Variants in AFF3 observed in about 807,000 individuals in gnomAD.
AFF3 encodes the protein AF4/FMR2 family member 3.
A neutral mutation model predicts 129.7 loss-of-function variants in AFF3; 32 were observed. The ratio of observed to expected loss-of-function variants is 0.25; its 90% CI spans 0.19 to 0.33. AFF3 has a LOEUF of 0.33. AFF3 is among the 10% of genes least tolerant of loss of function. The probability of loss-of-function intolerance (pLI) is 1.00; values close to 1 mark genes in which losing one functional copy is unlikely to be tolerated. For synonymous variants in AFF3, 644 were observed against 635.4 expected, an observed-to-expected ratio of 1.01 and a Z score of -0.20; for missense variants, 1,373 against 1,592.0, an observed-to-expected ratio of 0.86 and a Z score of 2.34.
intron 7 of AFF3, among the ~76,000 whole-genome samples, chr2:99,849,484 T>G (rs1467879382): frequency 6.6e-6 from 1 of 152,054 alleles, no homozygotes; most frequent in Admixed American, 6.5e-5. Context: ...GTCCCTGCGG[T>G]GGGGGCGTCA....
rs74924470 is a variant in AFF3 at position 99,793,979 on chromosome 2, A to G, written c.922-41678T>C. ...TACATACACATCTTCATTAGGGTCA[A>G]TATTTGTTCTAATTTCTCTGATGAT... On this transcript the variant is annotated intron_variant, in intron 8 of 24. Coordinates refer to ENST00000672756, the MANE Select transcript of AFF3 (RefSeq NM_001386135.1). 3.8e-3 allele frequency among the ~76,000 whole-genome samples: 574 copies of G among 152,320 alleles called. 5 individuals are homozygous for G. The highest frequency in any genetic ancestry group is 0.012 in the African/African-American group (496 of 41,576).
At chr2:100,075,592 C>T (rs1573350560) in intron 4 of AFF3, among the ~76,000 whole-genome samples, 1 of 152,050 alleles carries the variant, frequency 6.6e-6, no homozygotes, top group African/African-American at 2.4e-5. Flanking sequence ...AATCCCATTT[C>T]TAGAAACGGC....
chr2:100,073,143 GCTGACATC>G (rs1197190808), intron 4 of AFF3, among the ~76,000 whole-genome samples: 1 of 152,178 alleles, frequency 6.6e-6, no homozygotes, highest in African/African-American at 2.4e-5. Context: ...ATATTCAGAT[GCTGACATC>G]CTAATCTCCA....
chr2:99,884,045 T>C (rs1016140789), intron 7 of AFF3, among the ~76,000 whole-genome samples: 3 of 152,236 alleles, frequency 2.0e-5, no homozygotes, highest in African/African-American at 7.2e-5. Context: ...CTGCCTCATT[T>C]TACCCACTGT....
chr2:99,696,132 A>AT (rs200434691), intron 11 of AFF3, among the ~76,000 whole-genome samples: 4,340 of 148,496 alleles, frequency 0.029, 191 homozygotes, highest in African/African-American at 0.096. Context: ...AAAATTGATT[A>AT]TTTTTTTTTT....
intron 7 of AFF3, among the ~76,000 whole-genome samples, chr2:99,955,316 T>C (rs1251427028): frequency 2.0e-5 from 3 of 152,232 alleles, no homozygotes; most frequent in Non-Finnish European, 4.4e-5. Context: ...TAGAGTATTC[T>C]GTCCTCTAGA....
chr2:99,822,296 C>G (rs1378319143), intron 8 of AFF3, among the ~76,000 whole-genome samples: 2 of 115,160 alleles, frequency 1.7e-5, no homozygotes, highest in African/African-American at 7.3e-5. Context: ...GATGAGTTTT[C>G]CCAGTGATGC....
Position 100,008,834 on chromosome 2 carries a change from G to C in AFF3, c.152C>G (p.Ser51Cys). The change falls in exon 5 of 25, where the codon TCT becomes TGT. Residue 51 changes from serine (S) to cysteine (C), a missense_variant. Physicochemically the swap from Ser to Cys is moderately radical, Grantham distance 112 (BLOSUM62 -1). Around this residue, in one of 9 missense-constraint regions of AFF3, gnomAD observed 255 missense variants for 256.0 expected, o/e 1.00. Coordinates refer to ENST00000672756, the MANE Select transcript of AFF3 (RefSeq NM_001386135.1). Reference protein sequence around the residue: ...QDDGTFNSSYSLFSEPYKTNK... With the variant: ...QDDGTFNSSYCLFSEPYKTNK... ...TACCTTGTAGGGCTCACTGAAGAGA[G>C]AGTAACTAGAATTAAACGTGCCATC... 6.2e-7 allele frequency: 1 copy of C among 1,614,046 alleles called. No homozygotes were observed. Among genetic ancestry groups the C allele is most frequent in the Non-Finnish European group, 8.5e-7 (1 of 1,179,952 alleles).
chr2:99,891,762 T>G (rs1014414955), intron 7 of AFF3, among the ~76,000 whole-genome samples: 1 of 152,060 alleles, frequency 6.6e-6, no homozygotes, highest in African/African-American at 2.4e-5. Flanking sequence ...CCACAGCTCA[T>G]AGTTGGTAGA....
At chr2:99,844,578 C>T (rs1689589405) in intron 7 of AFF3, among the ~76,000 whole-genome samples, 1 of 151,046 alleles carries the variant, frequency 6.6e-6, no homozygotes, top group Non-Finnish European at 1.5e-5. Context: ...GTTGGGATTA[C>T]AGGCATGCAC....
chr2:99,789,007 A>T (rs1409483969), intron 8 of AFF3, among the ~76,000 whole-genome samples: 1 of 152,212 alleles, frequency 6.6e-6, no homozygotes, highest in Non-Finnish European at 1.5e-5. Flanking sequence ...AGGCTATACC[A>T]TCTTAGTTTG....
At chr2:99,606,915 C>CAAAAAAA (rs10680840) in intron 13 of AFF3, among the ~76,000 whole-genome samples, 4 of 62,182 alleles carry the variant, frequency 6.4e-5, no homozygotes, top group African/African-American at 1.3e-4. Flanking sequence ...CTCCGTCTCA[C>CAAAAAAA]AAAAAAAAAA....
chr2:99,579,363 C>A (rs1254962640), intron 17 of AFF3, among the ~76,000 whole-genome samples: 1 of 149,178 alleles, frequency 6.7e-6, no homozygotes, highest in Non-Finnish European at 1.5e-5. Flanking sequence ...CGAGACCATG[C>A]CATTGCACTC....
chr2:99,597,218 C>T (rs1446040687), intron 14 of AFF3, among the ~76,000 whole-genome samples: 4 of 152,172 alleles, frequency 2.6e-5, no homozygotes, highest in African/African-American at 9.7e-5. Context: ...GTGTCTCCCA[C>T]TGTTTGGCAT....
At chr2:100,081,546 AC>A (rs1689052518) in intron 4 of AFF3, among the ~76,000 whole-genome samples, 2 of 151,926 alleles carry the variant, frequency 1.3e-5, no homozygotes, top group Non-Finnish European at 2.9e-5. Flanking sequence ...CCTGACCTGC[AC>A]CCCCTCATCA....
chr2:99,973,781 T>C (rs1373464473), intron 7 of AFF3, among the ~76,000 whole-genome samples: 1 of 152,270 alleles, frequency 6.6e-6, no homozygotes, highest in South Asian at 2.1e-4. Flanking sequence ...TCTGCAGCTA[T>C]TGTTTTAATT....
At chr2:99,867,918 G>A (rs926641999) in intron 7 of AFF3, among the ~76,000 whole-genome samples, 5 of 152,034 alleles carry the variant, frequency 3.3e-5, no homozygotes, top group African/African-American at 7.2e-5. Context: ...GGCTAATCAC[G>A]CCCCTGGGCG....
intron 13 of AFF3, among the ~76,000 whole-genome samples, chr2:99,638,858 G>A (rs779577466): frequency 6.6e-6 from 1 of 152,214 alleles, no homozygotes. Flanking sequence ...CATGTATGTT[G>A]TTGTGCAGCC....
intron 4 of AFF3, among the ~76,000 whole-genome samples, chr2:100,037,530 A>T (rs1204418719): frequency 2.3e-3 from 5 of 2,148 alleles, no homozygotes; most frequent in African/African-American, 7.7e-3. Context: ...TATTATTTAT[A>T]TATAAATATA....
Sources: gnomAD v4.1 joint callset for allele counts (sites outside exome capture counted in the v4.1 genomes callset) on GRCh38, gnomAD v4.1.1 for gene constraint, gnomAD v4.1.1 regional missense constraint, MANE v1.5 for transcripts, NCBI Gene and HGNC (gene_info 2026-07-23, HGNC 2026-07-21) for gene names.